The following NAALADL2 variants were observed in gnomAD, a reference collection of about 807,000 sequenced individuals.
NAALADL2 encodes the protein inactive N-acetylated-alpha-linked acidic dipeptidase-like protein 2.
Under a neutral mutation model 87.2 loss-of-function variants are expected in NAALADL2, and 76 were observed. The observed-to-expected ratio is 0.87, with a 90% CI of 0.72 to 1.05. The LOEUF (loss-of-function observed/expected upper bound fraction) is 1.05. Among genes scored for constraint, NAALADL2 ranks in the 50% least tolerant of loss-of-function variants. NAALADL2 has a pLI of 0.00. For missense variants in NAALADL2, 1,089 were observed against 945.8 expected (o/e 1.15, Z -1.99); for synonymous variants, 354 against 331.0 (o/e 1.07, Z -0.75).
intron 2 of NAALADL2, among the ~76,000 whole-genome samples, chr3:174,708,447 G>A (rs914164003): frequency 2.0e-5 from 3 of 152,106 alleles, no homozygotes; most frequent in Admixed American, 6.5e-5. Flanking sequence ...CCACTTTTTA[G>A]ATAAACATTT....
intron 3 of NAALADL2, among the ~76,000 whole-genome samples, chr3:174,760,555 T>G (rs1400536164): frequency 6.6e-6 from 1 of 152,188 alleles, no homozygotes; most frequent in Non-Finnish European, 1.5e-5. Context: ...GGTGGAGAAT[T>G]TAATTACTGA....
At chr3:175,077,681 T>A (rs1271591450) in intron 1 of NAALADL2, among the ~76,000 whole-genome samples, 1 of 152,162 alleles carries the variant, frequency 6.6e-6, no homozygotes, top group Non-Finnish European at 1.5e-5. Flanking sequence ...ATAAATGGCA[T>A]GTGAATATTT....
intron 2 of NAALADL2, among the ~76,000 whole-genome samples, chr3:174,633,641 C>T (rs1462356850): frequency 6.6e-6 from 1 of 152,190 alleles, no homozygotes; most frequent in Non-Finnish European, 1.5e-5. Flanking sequence ...GTAATAGACT[C>T]CTTCCTTTTA....
In NAALADL2 at chr3:174,533,554, A is replaced by G. The variant is rs143830209; in HGVS notation, c.-183-17015A>G. 6.8e-3 allele frequency among the ~76,000 whole-genome samples: 1,027 copies of G among 151,804 alleles called. 7 individuals carry two copies. The highest frequency in any genetic ancestry group is 8.8e-3 in the Non-Finnish European group (595 of 67,954). ...GGTGAATATTTCTGAAATTATTCTT[A>G]TTGTTAAATAAACAATACAGGAACC... On this transcript the variant is annotated intron_variant, in intron 1 of 3. Transcript: ENST00000434257.
At chr3:175,023,794 C>T (rs1490678387) in intron 1 of NAALADL2, among the ~76,000 whole-genome samples, 1 of 152,042 alleles carries the variant, frequency 6.6e-6, no homozygotes, top group African/African-American at 2.4e-5. Flanking sequence ...GACATTACAG[C>T]TTTACTGAGG....
At chr3:174,621,103 T>G (rs1005514979) in intron 2 of NAALADL2, among the ~76,000 whole-genome samples, 1 of 152,070 alleles carries the variant, frequency 6.6e-6, no homozygotes, top group South Asian at 2.1e-4. Context: ...ACTGTAAATC[T>G]GAGGGAGAGA....
intron 1 of NAALADL2, among the ~76,000 whole-genome samples, chr3:175,049,084 T>A (rs541215342): frequency 1.7e-4 from 26 of 152,130 alleles, no homozygotes; most frequent in Non-Finnish European, 3.4e-4. Flanking sequence ...CCTTGAATAG[T>A]ACTCAACCCC....
intron 2 of NAALADL2, among the ~76,000 whole-genome samples, chr3:175,230,125 T>A (rs1032160525): frequency 2.0e-5 from 3 of 151,716 alleles, no homozygotes; most frequent in Non-Finnish European, 4.4e-5. Context: ...AAAAGGGAAA[T>A]TGGATTCCTG....
chr3:174,680,097 TA>T (rs10708127), intron 2 of NAALADL2, among the ~76,000 whole-genome samples: 112,943 of 151,914 alleles, frequency 0.74, 42,253 homozygotes, highest in East Asian at 0.9. Flanking sequence ...GTATTTTGTA[TA>T]AAAAAAATGA....
intron 2 of NAALADL2, among the ~76,000 whole-genome samples, chr3:175,204,835 C>A (rs1740580558): frequency 6.6e-6 from 1 of 151,876 alleles, no homozygotes; most frequent in African/African-American, 2.4e-5. Flanking sequence ...GAATTCAACC[C>A]CTTTTACAAG....
intron 2 of NAALADL2, among the ~76,000 whole-genome samples, chr3:175,125,268 A>G (rs1560059102): frequency 3.3e-5 from 5 of 152,028 alleles, no homozygotes; most frequent in African/African-American, 1.2e-4. Context: ...AGGGTGAAAC[A>G]TTGTGGGCCA....
intron 13 of NAALADL2, among the ~76,000 whole-genome samples, chr3:175,772,530 G>A (rs529664253): frequency 2.6e-5 from 4 of 152,288 alleles, no homozygotes; most frequent in African/African-American, 9.6e-5. Flanking sequence ...AGTAGTAGAA[G>A]TTAGCACTGA....
chr3:174,525,346 G>T (rs1167810035), intron 1 of NAALADL2, among the ~76,000 whole-genome samples: 1 of 152,236 alleles, frequency 6.6e-6, no homozygotes, highest in South Asian at 2.1e-4. Context: ...CGGGAAGCAT[G>T]ATGCTGAATC....
intron 5 of NAALADL2, among the ~76,000 whole-genome samples, chr3:175,380,322 ATGTC>A (rs1397975671): frequency 2.6e-5 from 4 of 152,142 alleles, no homozygotes; most frequent in Non-Finnish European, 5.9e-5. Flanking sequence ...TTTTGAAAGA[ATGTC>A]TGTGTGTTTG....
Position 174,787,605 on chromosome 3 carries a change from A to ATATATATATATATATATATATACG in NAALADL2, c.-9+49875_-9+49876insTATATACGTATATATATATATATA. Among the ~76,000 whole-genome samples, 4 of 89,250 alleles carry ATATATATATATATATATATATACG rather than the reference A, an allele frequency of 4.5e-5. No homozygotes were observed. In the South Asian group the frequency reaches 1.5e-3, roughly 32 times the overall value. The allele number at this position is 89,250 out of a possible 152,430, so 58.6% of individuals were successfully genotyped here. On this transcript the variant is annotated intron_variant, in intron 3 of 3. Coordinates refer to the NAALADL2 transcript ENST00000434257. ...TATATATATATATATATATATATAT[A>ATATATATATATATATATATATACG]TATATATATATATATAGTAGTGACT...
chr3:175,513,388 A>G (rs555520502), intron 9 of NAALADL2, among the ~76,000 whole-genome samples: 1 of 152,286 alleles, frequency 6.6e-6, no homozygotes, highest in East Asian at 1.9e-4. Context: ...CTCAAAAACC[A>G]TGTGTCAGTG....
At chr3:175,789,163 TTGCTTTTGTAA>T (rs1752478942) in intron 13 of NAALADL2, among the ~76,000 whole-genome samples, 1 of 152,190 alleles carries the variant, frequency 6.6e-6, no homozygotes, top group African/African-American at 2.4e-5. Context: ...GGAACTGAGA[TTGCTTTTGTAA>T]TTCTTTTGTA....
rs538604943 is a variant in NAALADL2 at position 174,921,576 on chromosome 3, C to T, written c.43+62126C>T. The stretch of plus-strand genomic sequence containing the variant: ...CAGCACTTTGGCAGGCCGAGGCAGG[C>T]GGATCACCAAGTCAGGAGATCGAGA... On this transcript the variant is annotated intron_variant, in intron 1 of 13. Coordinates refer to ENST00000454872, the MANE Select transcript of NAALADL2 (RefSeq NM_207015.3). Among the ~76,000 whole-genome samples, 395 of 151,948 alleles carry T rather than the reference C, an allele frequency of 2.6e-3. 3 individuals carry two copies. The highest frequency in any genetic ancestry group is 9.4e-3 in the African/African-American group (388 of 41,454).
intron 2 of NAALADL2, among the ~76,000 whole-genome samples, chr3:175,186,800 T>C (rs1233544278): frequency 6.6e-6 from 1 of 152,092 alleles, no homozygotes; most frequent in African/African-American, 2.4e-5. Context: ...TCCATCTCAG[T>C]AGGTGGTATA....
Sources: allele counts gnomAD v4.1 joint callset (sites outside exome capture counted in the v4.1 genomes callset), GRCh38; gene constraint gnomAD v4.1.1; transcripts MANE v1.5; gene names NCBI Gene and HGNC (gene_info 2026-07-23, HGNC 2026-07-21).